Variants in SAR1B observed in about 807,000 individuals in gnomAD.
SAR1B encodes the protein secretion associated Ras related GTPase 1B.
SAR1B carries 23 observed loss-of-function variants against 26.8 expected under a neutral mutation model. That is an observed-to-expected ratio of 0.86 (90% confidence interval 0.62 to 1.22). SAR1B has a LOEUF of 1.22. Among genes scored for constraint, SAR1B ranks in the 50% most tolerant of loss-of-function variants. The pLI, the probability that SAR1B is intolerant of heterozygous loss-of-function variation, is 0.00. For missense variants in SAR1B, 196 were observed against 232.8 expected (o/e 0.84, Z 1.03); for synonymous variants, 65 against 80.8 (o/e 0.80, Z 1.05).
At position 134,601,149 on chromosome 5, in the gene SAR1B, T is replaced by G. The variant is rs1765026931; in HGVS notation, c.*5801A>C. On this transcript the variant is annotated 3_prime_UTR_variant, in exon 7 of 7. Coordinates refer to ENST00000402673, the MANE Select transcript of SAR1B (RefSeq NM_016103.4). ...ATAAAAATGGAACTTGACACTAGAG[T>G]TCTTCAAGACCAGATTAGTATTTTA... 6.6e-6 allele frequency: 1 copy of G among 151,778 alleles called. No homozygotes were observed. Among genetic ancestry groups the G allele is most frequent in the African/African-American group, 2.4e-5 (1 of 41,260 alleles). 9.4% of individuals were successfully genotyped at this position (151,778 alleles called of 1,614,324 possible).
chr5:134,623,076 C>T (rs1318335495), intron 2 of SAR1B, among the ~76,000 whole-genome samples: 5 of 146,278 alleles, frequency 3.4e-5, no homozygotes, highest in Non-Finnish European at 7.5e-5. Context: ...GAGCTGAGAT[C>T]GCACCACTGC....
At chr5:134,616,713 TG>T in intron 3 of SAR1B, among the ~76,000 whole-genome samples, 1 of 152,328 alleles carries the variant, frequency 6.6e-6, no homozygotes, top group East Asian at 1.9e-4. Flanking sequence ...AAGCAACCAC[TG>T]ATCTGAATTC....
At chr5:134,614,743 A>G (rs1355031827) in intron 3 of SAR1B, 2 of 152,226 alleles carry the variant, frequency 1.3e-5, no homozygotes, top group Non-Finnish European at 2.9e-5. Flanking sequence ...TCTGGTCTAC[A>G]TCTCCTCAAC....
intron 2 of SAR1B, among the ~76,000 whole-genome samples, chr5:134,621,627 G>T (rs955741583): frequency 2.0e-5 from 3 of 152,090 alleles, no homozygotes; most frequent in Admixed American, 6.6e-5. Flanking sequence ...ATTAATTTTA[G>T]AAGTATCAAT....
intron 1 of SAR1B, among the ~76,000 whole-genome samples, chr5:134,628,062 C>G (rs1373113763): frequency 6.6e-6 from 1 of 151,590 alleles, no homozygotes; most frequent in East Asian, 1.9e-4. Context: ...TCGCTCAAAC[C>G]TGGGAGGCAG....
Position 134,626,911 on chromosome 5 carries a change from T to G in SAR1B, c.-18-2874A>C, listed in dbSNP as rs180701428. On this transcript the variant is annotated intron_variant, in intron 1 of 6. Transcript: ENST00000402673. The stretch of plus-strand genomic sequence containing the variant: ...ATGTGACTATACTAAAAACACTTAA[T>G]GTACAATTTTAAAAGGTCGATTTTA... 3.3e-5 allele frequency among the ~76,000 whole-genome samples: 5 copies of G among 152,308 alleles called. No individual in the cohort carries two copies. In the East Asian group the frequency reaches 7.7e-4, roughly 24 times the overall value.
chr5:134,612,855 T>C (rs1441622409), intron 3 of SAR1B, 99 bp from the exon 4 acceptor site: 9 of 1,096,098 alleles, frequency 8.2e-6, no homozygotes, highest in Non-Finnish European at 1.2e-5. Context: ...TTCCTCCCCA[T>C]CTAATTAAGA....
intron 6 of SAR1B, 22 bp from the exon 7 acceptor site, chr5:134,607,088 T>C: frequency 1.4e-6 from 2 of 1,454,068 alleles, no homozygotes; most frequent in African/African-American, 1.4e-5. Flanking sequence ...GAGAGACATT[T>C]CGTTGGAATT....
intron 4 of SAR1B, 31 bp from the exon 5 acceptor site, chr5:134,609,705 C>T: frequency 6.3e-7 from 1 of 1,577,346 alleles, no homozygotes; most frequent in South Asian, 1.1e-5. Flanking sequence ...TTAGAGTTTA[C>T]TTGTTGGTCA....
At chr5:134,629,088 C>G (rs191828681) in intron 1 of SAR1B, among the ~76,000 whole-genome samples, 598 of 151,702 alleles carry the variant, frequency 3.9e-3, no homozygotes, top group Non-Finnish European at 6.6e-3. Context: ...GCATTCCAAC[C>G]TGGGCAACAT....
chr5:134,614,780 G>T, intron 3 of SAR1B: 1 of 152,240 alleles, frequency 6.6e-6, no homozygotes. Context: ...ACTATGTTTG[G>T]GTGTCCTCTC....
At chr5:134,626,956 C>CA (rs1452708074) in intron 1 of SAR1B, among the ~76,000 whole-genome samples, 3 of 151,864 alleles carry the variant, frequency 2.0e-5, no homozygotes, top group African/African-American at 7.3e-5. Flanking sequence ...AACTATATCT[C>CA]AAAAAAGCTA....
chr5:134,616,079 C>T (rs564498965), intron 3 of SAR1B, among the ~76,000 whole-genome samples: 49 of 141,918 alleles, frequency 3.5e-4, no homozygotes, highest in Admixed American at 1.6e-3. Context: ...TGCAGTGAGC[C>T]GAGACTGGCC....
Position 134,612,691 on chromosome 5 carries a change from C to T in SAR1B, c.244G>A (p.Ala82Thr). 4 of 636,630 alleles carry T rather than the reference C, an allele frequency of 6.3e-6. No homozygotes were observed. Among genetic ancestry groups the T allele is most frequent in the South Asian group, 5.6e-5 (3 of 53,582 alleles). The allele number at this position is 636,630 out of a possible 1,614,324, so 39.4% of individuals were successfully genotyped here. ...TTFDLGGHVQARRVWKNYLPA... is the reference protein window; with the variant it reads ...TTFDLGGHVQTRRVWKNYLPA... Reference sequence around the variant, plus strand: ...AAAAAAAAAAAAAAAAGAATCTTACCTTGAACATGTCCACCCAGATCAAAA... The same window carrying T: ...AAAAAAAAAAAAAAAAGAATCTTACTTTGAACATGTCCACCCAGATCAAAA... The change falls in exon 4 of 7, where the codon GCT becomes ACT. Residue 82 changes from alanine (A) to threonine (T), a missense_variant and splice_region_variant. Transcript: ENST00000402673.
intron 3 of SAR1B, chr5:134,618,089 G>C (rs1348636098): frequency 6.6e-6 from 1 of 151,996 alleles, no homozygotes; most frequent in East Asian, 1.9e-4. Context: ...AGGCCGAAGC[G>C]GGCAGATCAC....
chr5:134,614,917 T>C (rs1765282349), intron 3 of SAR1B: 1 of 152,258 alleles, frequency 6.6e-6, no homozygotes, highest in Non-Finnish European at 1.5e-5. Context: ...GCATCTTTTT[T>C]TGTCCGGTTT....
intron 3 of SAR1B, among the ~76,000 whole-genome samples, chr5:134,615,894 CG>C (rs1280171361): frequency 6.9e-6 from 1 of 145,464 alleles, no homozygotes; most frequent in Non-Finnish European, 1.5e-5. Context: ...CCCAGCACTT[CG>C]GGAGGCCGAG....
At chr5:134,617,837 G>A (rs779910574) in intron 3 of SAR1B, among the ~76,000 whole-genome samples, 100 of 152,064 alleles carry the variant, frequency 6.6e-4, no homozygotes, top group Non-Finnish European at 1.3e-3. Context: ...ACGTGCCACC[G>A]TGTCCGGCTA....
At chr5:134,620,253 C>T (rs1180623418) in intron 3 of SAR1B, among the ~76,000 whole-genome samples, 2 of 150,576 alleles carry the variant, frequency 1.3e-5, no homozygotes, top group Non-Finnish European at 2.9e-5. Context: ...TTACAGTGAG[C>T]GGAGGTCGTG....
Sources: gnomAD v4.1 joint callset for allele counts (sites outside exome capture counted in the v4.1 genomes callset) on GRCh38, gnomAD v4.1.1 for gene constraint, MANE v1.5 for transcripts, NCBI Gene and HGNC (gene_info 2026-07-23, HGNC 2026-07-21) for gene names.